SCN3A: variants seen among roughly 807,000 people sequenced by gnomAD.
The protein encoded by SCN3A is sodium voltage-gated channel alpha subunit 3.
A neutral mutation model predicts 187.6 loss-of-function variants in SCN3A; 60 were observed. The observed-to-expected ratio is 0.32, with a 90% CI of 0.26 to 0.40. The LOEUF (loss-of-function observed/expected upper bound fraction) is 0.40, where lower values mean the gene tolerates loss of function less well. Among genes scored for constraint, SCN3A ranks in the 10% least tolerant of loss-of-function variants. The probability of loss-of-function intolerance (pLI) is 1.00; values close to 1 mark genes in which losing one functional copy is unlikely to be tolerated. For missense variants in SCN3A, 1,601 were observed against 2,428.2 expected (o/e 0.66, Z 7.16); for synonymous variants, 788 against 829.2 (o/e 0.95, Z 0.85).
chr2:165,154,918 G>T (rs928929840), intron 10 of SCN3A, among the ~76,000 whole-genome samples: 1 of 152,078 alleles, frequency 6.6e-6, no homozygotes, highest in African/African-American at 2.4e-5. Flanking sequence ...CCACTATAAT[G>T]CTTTTATTAG....
At chr2:165,187,024 C>T (rs1574330638) in intron 1 of SCN3A, among the ~76,000 whole-genome samples, 2 of 152,154 alleles carry the variant, frequency 1.3e-5, no homozygotes, top group Non-Finnish European at 2.9e-5. Context: ...TTTCTGAAGG[C>T]ATGCTGGCAC....
At position 165,090,277 on chromosome 2, in the gene SCN3A, T is replaced by C; in HGVS notation, c.5876A>G (p.Asp1959Gly). The change falls in exon 28 of 28, where the codon GAT becomes GGT. Residue 1959 changes from aspartate (D) to glycine (G), a missense_variant. Physicochemically the swap from Asp to Gly is moderately conservative, Grantham distance 94. This residue lies in a region of SCN3A where 87 missense variants were observed against 89.2 expected (regional missense o/e 0.98). Coordinates refer to ENST00000283254, the MANE Select transcript of SCN3A (RefSeq NM_006922.4). This position sits in a 1 kb window ranked among gnomAD's most constrained non-coding sequence, Gnocchi z 4.0. ...LNGNSTPEKTDGSSSTTSPPS... is the reference protein window; with the variant it reads ...LNGNSTPEKTGGSSSTTSPPS... ...AGGAGAGGTGGTAGAGGAACTCCCA[T>C]CTGTTTTTTCTGGAGTGGAGTTCCC... 1 of 1,612,880 alleles carries C rather than the reference T, an allele frequency of 6.2e-7. No homozygotes were observed. The highest frequency in any genetic ancestry group is 8.5e-7 in the Non-Finnish European group (1 of 1,179,292).
At position 165,186,708 on chromosome 2, in the gene SCN3A, C is replaced by T. The variant is rs1691264611; in HGVS notation, c.-208G>A. On this transcript the variant is annotated 5_prime_UTR_variant, in exon 2 of 28. Transcript: ENST00000283254. ...GACAGGTATCTCATCCCTGTCAAAC[C>T]TTGATGTGGCTTGGCTTCAGTTTTC... is the stretch of plus-strand genomic sequence containing the variant. 2.6e-5 allele frequency: 4 copies of T among 152,148 alleles called. No homozygotes were observed. Among genetic ancestry groups the T allele is most frequent in the African/African-American group, 9.7e-5 (4 of 41,438 alleles). The allele number at this position is 152,148 out of a possible 1,614,324, so 9.4% of individuals were successfully genotyped here. A position where few individuals can be genotyped will look rare whatever the true frequency, so the allele number is the denominator to read the frequency against.
intron 1 of SCN3A, among the ~76,000 whole-genome samples, chr2:165,200,204 A>G (rs1314414650): frequency 6.6e-6 from 1 of 152,102 alleles, no homozygotes; most frequent in East Asian, 1.9e-4. Flanking sequence ...GAGTTAAGTA[A>G]TTATATTTCA....
At chr2:165,100,451 G>A (rs1215994110) in intron 21 of SCN3A, 27 bp from the exon 22 acceptor site, 2 of 1,608,362 alleles carry the variant, frequency 1.2e-6, no homozygotes, top group Admixed American at 1.7e-5. Context: ...AAATTAATTA[G>A]TTCACCAAGA....
Position 165,202,864 on chromosome 2 carries a change from A to C in SCN3A, c.-248+959T>G, listed in dbSNP as rs531178892. Among the ~76,000 whole-genome samples, 732 of 151,990 alleles carry C rather than the reference A, an allele frequency of 4.8e-3. 5 individuals are homozygous for C. The highest frequency in any genetic ancestry group is 0.017 in the African/African-American group (701 of 41,502). ...TATACTACCTGTTGTGTATTTTAAA[A>C]CCCTGTATGATTTTTAAAACTTATC... is the stretch of plus-strand genomic sequence containing the variant. On this transcript the variant is annotated intron_variant, in intron 1 of 27. Transcript: ENST00000283254.
intron 12 of SCN3A, among the ~76,000 whole-genome samples, chr2:165,145,324 A>T (rs1688249949): frequency 6.6e-6 from 1 of 152,016 alleles, no homozygotes; most frequent in African/African-American, 2.4e-5. Flanking sequence ...AGAAAAAAAA[A>T]TCTGATCTGA....
Position 165,137,948 on chromosome 2 carries a change from G to C in SCN3A, c.2322C>G (p.Thr774=). 1 of 1,613,242 alleles carries C rather than the reference G, an allele frequency of 6.2e-7. No individual in the cohort carries two copies. The highest frequency in any genetic ancestry group is 8.5e-7 in the Non-Finnish European group (1 of 1,179,468). The change falls in exon 15 of 28, where the codon ACC becomes ACG. Residue 774 remains threonine (T), a synonymous_variant. Transcript: ENST00000283254. ...LAITICIVLN[T]LFMAMEHYPM... is the part of the protein sequence containing the mutation. ...GGTAGTGCTCCATGGCCATAAAGAG[G>C]GTATTTAAGACAATGCAAATAGTGA...
In SCN3A at chr2:165,095,529, G is replaced by T; in HGVS notation, c.4413C>A (p.Phe1471Leu). The T allele has an allele frequency of 6.2e-7, 1 of 1,612,770 alleles. No homozygotes were observed. The highest frequency in any genetic ancestry group is 8.5e-7 in the Non-Finnish European group (1 of 1,178,970). ...TACTTATCTTCTTTTTCTGCTGGTT[G>T]AAGTTATCTATGATGACACCAATGA... ...NLFIGVIIDN[F>L]NQQKKKFGGQ... The change falls in exon 25 of 28, where the codon TTC becomes TTA. Residue 1471 changes from phenylalanine (F) to leucine (L), a missense_variant. Around this residue, in one of 11 missense-constraint regions of SCN3A, gnomAD observed 320 missense variants for 623.2 expected, o/e 0.51. Coordinates refer to ENST00000283254, the MANE Select transcript of SCN3A (RefSeq NM_006922.4).
intron 18 of SCN3A, among the ~76,000 whole-genome samples, chr2:165,120,249 T>A (rs1482242054): frequency 1.3e-5 from 2 of 151,772 alleles, no homozygotes; most frequent in African/African-American, 4.8e-5. Flanking sequence ...TTCAAGAAGG[T>A]TAACTACAAA....
intron 13 of SCN3A, among the ~76,000 whole-genome samples, chr2:165,139,990 A>G (rs1185992309): frequency 6.6e-6 from 1 of 152,098 alleles, no homozygotes; most frequent in Non-Finnish European, 1.5e-5. Context: ...TCTCCCCCCA[A>G]TAAATATTAT....
At chr2:165,182,327 C>T (rs1180599192) in intron 2 of SCN3A, among the ~76,000 whole-genome samples, 8 of 152,190 alleles carry the variant, frequency 5.3e-5, no homozygotes, top group African/African-American at 1.9e-4. Flanking sequence ...GAACTGGATT[C>T]AAGGCCTGAC....
chr2:165,091,894 C>G (rs1685125452), intron 27 of SCN3A: 3 of 341,290 alleles, frequency 8.8e-6, no homozygotes, highest in Non-Finnish European at 1.1e-5. Flanking sequence ...GCAGAGATGG[C>G]TACTTCCTCT....
At chr2:165,096,544 T>C (rs768435885) in intron 23 of SCN3A, 24 bp from the exon 24 acceptor site, 1 of 1,584,436 alleles carries the variant, frequency 6.3e-7, no homozygotes, top group African/African-American at 1.3e-5. Flanking sequence ...ATATTTGAAT[T>C]GTTCATAAAA....
chr2:165,174,429 A>G (rs919428988), intron 3 of SCN3A, among the ~76,000 whole-genome samples: 7 of 152,146 alleles, frequency 4.6e-5, no homozygotes, highest in Non-Finnish European at 7.4e-5. Flanking sequence ...CCCCTCCACA[A>G]TGAGGTGGCC....
At chr2:165,167,738 A>C (rs1239412022) in intron 5 of SCN3A, among the ~76,000 whole-genome samples, 1 of 152,166 alleles carries the variant, frequency 6.6e-6, no homozygotes, top group Non-Finnish European at 1.5e-5. Context: ...TCCCCAGCAT[A>C]TTGATGTTTT....
At chr2:165,095,463 C>T in intron 25 of SCN3A, 48 bp downstream of exon 25, 1 of 1,584,236 alleles carries the variant, frequency 6.3e-7, no homozygotes, top group Non-Finnish European at 8.7e-7. Context: ...GCTGTATTAA[C>T]AGACAGAACC....
At chr2:165,118,736 G>GC (rs1686498252) in intron 18 of SCN3A, among the ~76,000 whole-genome samples, 1 of 152,070 alleles carries the variant, frequency 6.6e-6, no homozygotes, top group African/African-American at 2.4e-5. Context: ...GTAGGTGCAT[G>GC]CCACCGTGCC....
chr2:165,107,289 C>T (rs544815523), intron 21 of SCN3A, among the ~76,000 whole-genome samples: 2 of 152,128 alleles, frequency 1.3e-5, no homozygotes, highest in East Asian at 3.9e-4. Context: ...CTTTTTAAAC[C>T]TTGCCTGTGA....
Sources: allele counts gnomAD v4.1 joint callset (sites outside exome capture counted in the v4.1 genomes callset), GRCh38; gene constraint gnomAD v4.1.1; regional missense constraint gnomAD v4.1.1; non-coding constraint Gnocchi (gnomAD v3.1); transcripts MANE v1.5; gene names NCBI Gene and HGNC (gene_info 2026-07-23, HGNC 2026-07-21).